UVSSA: variants seen among roughly 807,000 people sequenced by gnomAD.
UVSSA encodes the protein UV-stimulated scaffold protein A.
UVSSA carries 72 observed loss-of-function variants against 73.9 expected under a neutral mutation model. That is an observed-to-expected ratio of 0.97 (90% CI 0.81 to 1.19). UVSSA has a LOEUF of 1.19. UVSSA is among the 50% of genes most tolerant of loss of function. The probability of loss-of-function intolerance (pLI) is 0.00; values close to 1 mark genes in which losing one functional copy is unlikely to be tolerated. For missense variants in UVSSA, 1,150 were observed against 965.0 expected (o/e 1.19, Z -2.54); for synonymous variants, 454 against 391.3 (o/e 1.16, Z -1.89).
In UVSSA at chr4:1,395,093, T is replaced by G; in HGVS notation, c.*9132T>G. ...GTGCCCGCCTGATCACACGTGCCCA[T>G]GTGGAGTGCTCGCCTGCTCACACGT... On this transcript the variant is annotated 3_prime_UTR_variant, in exon 14 of 14. Coordinates refer to the UVSSA transcript ENST00000511216. 2 of 1,277,754 alleles carry G rather than the reference T, an allele frequency of 1.6e-6. 1 individual carries two copies. The highest frequency in any genetic ancestry group is 2.2e-6 in the Non-Finnish European group (2 of 927,704). 79.2% of individuals were successfully genotyped at this position (1,277,754 alleles called of 1,614,324 possible).
At chr4:1,393,113 T>C (rs1489664272) in exon 14 of UVSSA, 2 of 152,226 alleles carry the variant, frequency 1.3e-5, no homozygotes, top group South Asian at 2.1e-4. Context: ...TCCTTGACTT[T>C]CCTTTATTCC....
In UVSSA at chr4:1,386,254, TGTC is replaced by T; in HGVS notation, c.*296_*298del. 5.4e-6 allele frequency: 2 copies of T among 371,052 alleles called. No individual in the cohort carries two copies. Among genetic ancestry groups the T allele is most frequent in the South Asian group, 5.6e-5 (2 of 35,460 alleles). 23.0% of individuals were successfully genotyped at this position (371,052 alleles called of 1,614,324 possible). A position where few individuals can be genotyped will look rare whatever the true frequency, so the allele number is the denominator to read the frequency against. On this transcript the variant is annotated 3_prime_UTR_variant, in exon 14 of 14. Coordinates refer to ENST00000389851, the MANE Select transcript of UVSSA (RefSeq NM_020894.4). ...TGCGAGTCCTCGTGAGACCAGTGCT[TGTC>T]GTGGTGTGGGGTTCAGCACGGACGG...
At chr4:1,348,760 A>G (rs1714143184) in intron 2 of UVSSA, among the ~76,000 whole-genome samples, 1 of 152,176 alleles carries the variant, frequency 6.6e-6, no homozygotes, top group South Asian at 2.1e-4. Flanking sequence ...ACAGTGATGG[A>G]GTGTTGACAT....
intron 11 of UVSSA, among the ~76,000 whole-genome samples, chr4:1,380,448 A>G (rs1422636000): frequency 6.6e-6 from 1 of 152,134 alleles, no homozygotes; most frequent in Non-Finnish European, 1.5e-5. Flanking sequence ...GAAGCCTGAC[A>G]CCTGGGTACA....
downstream of UVSSA, chr4:1,389,045 G>C (rs1279203348): frequency 6.6e-6 from 1 of 152,122 alleles, no homozygotes; most frequent in African/African-American, 2.4e-5. Context: ...ACCAGTGAAG[G>C]CTGGGCTTTT....
intron 3 of UVSSA, among the ~76,000 whole-genome samples, chr4:1,350,881 G>A (rs1714612917): frequency 6.6e-6 from 1 of 152,104 alleles, no homozygotes; most frequent in Admixed American, 6.6e-5. Flanking sequence ...ATTCTGTATA[G>A]ATAGCTCTAG....
rs2109312383 is a variant in UVSSA at position 1,383,779 on chromosome 4, T to C, written c.1875T>C (p.Pro625=). 6.2e-7 allele frequency: 1 copy of C among 1,613,326 alleles called. No homozygotes were observed. Among genetic ancestry groups the C allele is most frequent in the East Asian group, 2.2e-5 (1 of 44,868 alleles). The change falls in exon 13 of 14, where the codon CCT becomes CCC. Residue 625 remains proline, a synonymous_variant. Coordinates refer to ENST00000389851, the MANE Select transcript of UVSSA (RefSeq NM_020894.4). ...TTTTGTTTGCAGAATGGCAGGACCC[T>C]GAGTTGATGAGAGACGTGGAAGCAG... ...QKQERPEWQD[P]ELMRDVEAAT...
At chr4:1,370,321 A>C (rs981155478) in intron 8 of UVSSA, among the ~76,000 whole-genome samples, 3 of 152,122 alleles carry the variant, frequency 2.0e-5, no homozygotes, top group Non-Finnish European at 4.4e-5. Flanking sequence ...GTATTGCCGG[A>C]ATACTGAGGG....
At position 1,376,112 on chromosome 4, in the gene UVSSA, C is replaced by T. The variant is rs770472277; in HGVS notation, c.1512C>T (p.Tyr504=). Residue 504 remains tyrosine (Y), a synonymous_variant, in exon 10 of 14, where the codon TAC becomes TAT. Coordinates refer to ENST00000389851, the MANE Select transcript of UVSSA (RefSeq NM_020894.4). ...AERARAPVVP[Y]GVDLHYWGQE... Reference sequence around the variant, plus strand: ...GGGCCCGGGCGCCTGTGGTGCCCTACGGCGTGGACCTGCACTACTGGGGCC... The same window carrying T: ...GGGCCCGGGCGCCTGTGGTGCCCTATGGCGTGGACCTGCACTACTGGGGCC... The T allele has an allele frequency of 6.1e-5, 98 of 1,607,758 alleles. No homozygotes were observed. The highest frequency in any genetic ancestry group is 3.3e-4 in the Middle Eastern group (2 of 6,066).
intron 8 of UVSSA, among the ~76,000 whole-genome samples, chr4:1,373,758 C>G (rs1157985624): frequency 2.0e-5 from 3 of 152,184 alleles, no homozygotes; most frequent in African/African-American, 7.2e-5. Context: ...GTCCCCCACA[C>G]CCCTCAGAGC....
chr4:1,348,014 C>G (rs950690985), intron 1 of UVSSA, 76 bp from the exon 2 acceptor site: 4 of 1,269,784 alleles, frequency 3.2e-6, no homozygotes, highest in Non-Finnish European at 4.5e-6. Context: ...TAGTGGAACC[C>G]AGTAAACACG....
chr4:1,356,804 C>G (rs959062364), intron 7 of UVSSA: 1 of 152,402 alleles, frequency 6.6e-6, no homozygotes, highest in Non-Finnish European at 1.5e-5. Context: ...AGGTCACTGC[C>G]CGGTCTCCAC....
chr4:1,381,947 G>A (rs1703267622), intron 12 of UVSSA, among the ~76,000 whole-genome samples: 1 of 152,146 alleles, frequency 6.6e-6, no homozygotes, highest in East Asian at 1.9e-4. Flanking sequence ...ACAGATGTGA[G>A]TCCCCGCCCG....
chr4:1,349,733 G>A lies in UVSSA; in HGVS notation c.308G>A (p.Arg103Lys), dbSNP rs746285708. Residue 103 changes from arginine (R) to lysine (K), a missense_variant, in exon 3 of 14, where the codon AGG becomes AAG. Transcript: ENST00000389851. ...CCCGCACAGCCTCTGCCGCCCCCCA[G>A]GGAGGCGGCACAGAGGCTGAGGCAG... ...TDPAQPLPPP[R>K]EAAQRLRQAT... 3.3e-5 allele frequency: 54 copies of A among 1,613,474 alleles called. No individual in the cohort carries two copies. Among genetic ancestry groups the A allele is most frequent in the Non-Finnish European group, 4.4e-5 (52 of 1,179,800 alleles).
intron 10 of UVSSA, among the ~76,000 whole-genome samples, chr4:1,377,732 C>G (rs1018173235): frequency 6.6e-6 from 1 of 152,198 alleles, no homozygotes; most frequent in Non-Finnish European, 1.5e-5. Flanking sequence ...TGGATGGCAC[C>G]GGGGCCCTGC....
At chr4:1,369,873 C>A (rs1717808843) in intron 8 of UVSSA, among the ~76,000 whole-genome samples, 2 of 152,240 alleles carry the variant, frequency 1.3e-5, no homozygotes, top group African/African-American at 2.4e-5. Flanking sequence ...ATACTGGACT[C>A]GAGTGAGACG....
At chr4:1,354,621 G>C in intron 5 of UVSSA, 114 bp from the exon 6 acceptor site, 2 of 836,530 alleles carry the variant, frequency 2.4e-6, no homozygotes, top group Non-Finnish European at 3.9e-6. Flanking sequence ...AGGCATGGGC[G>C]TCTGGCAGGT....
rs572425260 is a variant in UVSSA, at chr4:1,350,456, G to A, written c.429+602G>A. Reference sequence around the variant, plus strand: ...CCTGTCTCCCAGGGTTCATGCTCAGGGTTTGTTTCAGACTCCTGGGTCCAG... The same window carrying A: ...CCTGTCTCCCAGGGTTCATGCTCAGAGTTTGTTTCAGACTCCTGGGTCCAG... On this transcript the variant is annotated intron_variant, in intron 3 of 13. Coordinates refer to ENST00000389851, the MANE Select transcript of UVSSA (RefSeq NM_020894.4). 2.6e-5 allele frequency among the ~76,000 whole-genome samples: 4 copies of A among 152,282 alleles called. No homozygotes were observed. The South Asian group carries it at 6.2e-4, about 24-fold the overall frequency.
At chr4:1,392,875 G>A (rs907627468), downstream of UVSSA, 1 of 152,240 alleles carries the variant, frequency 6.6e-6, no homozygotes, top group African/African-American at 2.4e-5. Context: ...TGTTCAGCCA[G>A]TGACTGGACA....
Sources: gnomAD v4.1 joint callset for allele counts (sites outside exome capture counted in the v4.1 genomes callset) on GRCh38, gnomAD v4.1.1 for gene constraint, MANE v1.5 for transcripts, NCBI Gene and HGNC (gene_info 2026-07-23, HGNC 2026-07-21) for gene names.